Variants in HGF observed in about 807,000 individuals in gnomAD.
HGF encodes hepatocyte growth factor.
A neutral mutation model predicts 111.6 loss-of-function variants in HGF; 39 were observed. The ratio of observed to expected loss-of-function variants is 0.35; its 90% CI spans 0.27 to 0.46. The LOEUF is 0.46. Ranked by LOEUF, HGF falls within the 20% of genes least tolerant of loss-of-function variation. The probability of loss-of-function intolerance (pLI) is 1.00; values close to 1 mark genes in which losing one functional copy is unlikely to be tolerated. For synonymous variants in HGF, 285 were observed against 294.8 expected (o/e 0.97, Z 0.34); for missense variants, 735 against 910.5 (o/e 0.81, Z 2.48).
At chr7:81,762,674 A>C (rs748067530) in intron 2 of HGF, 33 bp downstream of exon 2, 1 of 1,512,636 alleles carries the variant, frequency 6.6e-7, no homozygotes, top group Admixed American at 1.7e-5. Context: ...TATATTTGGA[A>C]AATTATTCTA....
rs569407574 is a variant in HGF, at chr7:81,750,921, T to G, written c.625+1199A>C. The G allele has an allele frequency of 1.3e-4, 119 of 895,688 alleles. No homozygotes were observed. In the South Asian group the frequency reaches 2.0e-3, roughly 15 times the overall value. The allele number at this position is 895,688 out of a possible 1,614,324, so 55.5% of individuals were successfully genotyped here. A position where few individuals can be genotyped will look rare whatever the true frequency, so the allele number is the denominator to read the frequency against. ...AACGTGATCATAGAAAAGTTTATTA[T>G]TTTTAAAAGAAAAGAAAACAATGAA... On this transcript the variant is annotated intron_variant, in intron 5 of 17. Transcript: ENST00000222390.
At chr7:81,727,098 T>C (rs1326467145) in intron 8 of HGF, among the ~76,000 whole-genome samples, 1 of 151,402 alleles carries the variant, frequency 6.6e-6, no homozygotes, top group South Asian at 2.1e-4. Flanking sequence ...TGGAGTGCAG[T>C]GGCGTGATAT....
Position 81,769,865 on chromosome 7 carries a change from G to A in HGF, c.88+19C>T. The stretch of plus-strand genomic sequence containing the variant: ...GTTAAATACTAATACTAATAATGAA[G>A]AAGAAGAAGGGAACTAACCTGCATA... On this transcript the variant is annotated intron_variant, in intron 1 of 17. Coordinates refer to ENST00000222390, the MANE Select transcript of HGF (RefSeq NM_000601.6). 4 of 1,529,762 alleles carry A rather than the reference G, an allele frequency of 2.6e-6. No individual in the cohort carries two copies. The highest frequency in any genetic ancestry group is 1.9e-5 in the Admixed American group (1 of 51,534). The allele number at this position is 1,529,762 out of a possible 1,614,324, so 94.8% of individuals were successfully genotyped here.
chr7:81,733,173 A>C (rs539028978), intron 7 of HGF, among the ~76,000 whole-genome samples: 1 of 152,124 alleles, frequency 6.6e-6, no homozygotes, highest in East Asian at 1.9e-4. Context: ...TAAAATCATT[A>C]AATAAAAACC....
At chr7:81,725,063 GT>G (rs1234757032) in intron 9 of HGF, among the ~76,000 whole-genome samples, 1 of 152,074 alleles carries the variant, frequency 6.6e-6, no homozygotes, top group Non-Finnish European at 1.5e-5. Flanking sequence ...CACTTCATTG[GT>G]TCTCCTGTTT....
intron 7 of HGF, among the ~76,000 whole-genome samples, chr7:81,739,759 C>G (rs935523482): frequency 6.6e-6 from 1 of 151,928 alleles, no homozygotes; most frequent in African/African-American, 2.4e-5. Flanking sequence ...GCCCAAAGGC[C>G]CCTAAGAGAG....
At chr7:81,731,692 CTGAA>C (rs1435860345) in intron 7 of HGF, among the ~76,000 whole-genome samples, 11 of 152,068 alleles carry the variant, frequency 7.2e-5, no homozygotes, top group Admixed American at 6.6e-4. Context: ...TATGAGGAAA[CTGAA>C]TGTATGGGGA....
In HGF at chr7:81,702,457, C is replaced by T; in HGVS notation, c.*124G>A. ...CCATAAACATTAATGAGAATTTCAACAAACATGACTCTCCAGTAGTTGTCT... is the reference window on the plus strand; with the variant it reads ...CCATAAACATTAATGAGAATTTCAATAAACATGACTCTCCAGTAGTTGTCT... On this transcript the variant is annotated 3_prime_UTR_variant, in exon 18 of 18. Transcript: ENST00000222390. 1.3e-6 allele frequency: 1 copy of T among 765,046 alleles called. No homozygotes were observed. The highest frequency in any genetic ancestry group is 1.7e-5 in the South Asian group (1 of 58,216). The allele number at this position is 765,046 out of a possible 1,614,324, so 47.4% of individuals were successfully genotyped here. A position where few individuals can be genotyped will look rare whatever the true frequency, so the allele number is the denominator to read the frequency against.
At chr7:81,743,716 A>T (rs1206948380) in intron 6 of HGF, among the ~76,000 whole-genome samples, 1 of 152,174 alleles carries the variant, frequency 6.6e-6, no homozygotes, top group African/African-American at 2.4e-5. Flanking sequence ...CCTTTCCACT[A>T]GCTGAGGTTC....
chr7:81,738,197 C>A (rs1787896397), intron 7 of HGF, among the ~76,000 whole-genome samples: 3 of 152,010 alleles, frequency 2.0e-5, no homozygotes, highest in Admixed American at 2.0e-4. Flanking sequence ...ACCTACATGA[C>A]AAACCTGCAC....
intron 4 of HGF, chr7:81,756,100 G>A (rs780188373): frequency 1.0e-4 from 72 of 698,914 alleles, no homozygotes; most frequent in African/African-American, 8.9e-4. Flanking sequence ...TCTACTGACC[G>A]GCCAAATGTG....
intron 5 of HGF, among the ~76,000 whole-genome samples, chr7:81,750,664 C>T (rs1037013262): frequency 7.9e-5 from 12 of 152,200 alleles, no homozygotes; most frequent in Middle Eastern, 6.8e-3. Flanking sequence ...ATCATATTCT[C>T]ACAAGAACCA....
chr7:81,770,030 T>C lies in HGF; in HGVS notation c.-59A>G. On this transcript the variant is annotated 5_prime_UTR_variant, in exon 1 of 18. Coordinates refer to ENST00000222390, the MANE Select transcript of HGF (RefSeq NM_000601.6). ...AGGAGATGCCTGGGTGAAAGAATCC[T>C]GTTCGGAGTCAGTGCCTAAAAGAGC... The C allele has an allele frequency of 7.7e-7, 1 of 1,304,704 alleles. No individual in the cohort carries two copies. The highest frequency in any genetic ancestry group is 1.1e-6 in the Non-Finnish European group (1 of 927,092). 80.8% of individuals were successfully genotyped at this position (1,304,704 alleles called of 1,614,324 possible).
intron 7 of HGF, among the ~76,000 whole-genome samples, chr7:81,739,748 T>C (rs777589966): frequency 3.9e-5 from 6 of 152,078 alleles, no homozygotes; most frequent in Non-Finnish European, 8.8e-5. Context: ...AAGCAATCTA[T>C]GCCCAAAGGC....
intron 9 of HGF, among the ~76,000 whole-genome samples, chr7:81,725,495 A>G (rs1190109983): frequency 5.9e-5 from 9 of 152,188 alleles, no homozygotes; most frequent in Admixed American, 5.9e-4. Context: ...CCTGAACATT[A>G]AAATATAAAA....
intron 5 of HGF, among the ~76,000 whole-genome samples, chr7:81,750,370 A>G (rs936555556): frequency 4.6e-5 from 7 of 152,114 alleles, no homozygotes; most frequent in African/African-American, 1.7e-4. Context: ...GCCACTAATT[A>G]TTTCCAGAAA....
chr7:81,736,306 C>G (rs1787822903), intron 7 of HGF, among the ~76,000 whole-genome samples: 1 of 152,132 alleles, frequency 6.6e-6, no homozygotes. Context: ...ATTCCTTTGT[C>G]TAGCATTGTA....
chr7:81,722,434 G>A (rs1789888285), intron 9 of HGF, among the ~76,000 whole-genome samples: 4 of 151,500 alleles, frequency 2.6e-5, no homozygotes. Flanking sequence ...CAAAGTGCTG[G>A]GATTACAGGC....
intron 5 of HGF, among the ~76,000 whole-genome samples, chr7:81,747,843 G>A (rs1057082208): frequency 5.9e-5 from 9 of 152,082 alleles, no homozygotes; most frequent in Non-Finnish European, 1.0e-4. Context: ...TGAGGCAGGA[G>A]AATTGCTTGA....
Sources: allele counts gnomAD v4.1 joint callset (sites outside exome capture counted in the v4.1 genomes callset), GRCh38; gene constraint gnomAD v4.1.1; transcripts MANE v1.5; gene names NCBI Gene and HGNC (gene_info 2026-07-23, HGNC 2026-07-21).